The following ATG4B variants were observed in gnomAD, a reference collection of about 807,000 sequenced individuals.
ATG4B encodes cysteine protease ATG4B.
Under a neutral mutation model 56.6 loss-of-function variants are expected in ATG4B, and 29 were observed. The ratio of observed to expected loss-of-function variants is 0.51; its 90% confidence interval spans 0.38 to 0.70. ATG4B has a LOEUF of 0.70. ATG4B is among the 30% of genes least tolerant of loss of function. ATG4B has a pLI of 0.00. For missense variants in ATG4B, 461 were observed against 515.5 expected, an observed-to-expected ratio of 0.89 and a Z score of 1.02; for synonymous variants, 224 against 206.1, an observed-to-expected ratio of 1.09 and a Z score of -0.74.
chr2:241,666,755 T>A lies in ATG4B; in HGVS notation c.649T>A (p.Ser217Thr). 6.2e-7 allele frequency: 1 copy of A among 1,605,078 alleles called. No homozygotes were observed. The highest frequency in any genetic ancestry group is 8.5e-7 in the Non-Finnish European group (1 of 1,175,784). ...CGGAGCTGAGGTCACCAACAGGCCGTCGCCATGGAGACCCCTGGTACTTCT... is the reference window on the plus strand; with the variant it reads ...CGGAGCTGAGGTCACCAACAGGCCGACGCCATGGAGACCCCTGGTACTTCT... ...PAGAEVTNRP[S>T]PWRPLVLLIP... Residue 217 changes from serine (S) to threonine (T), a missense_variant, in exon 8 of 13, where the codon TCG becomes ACG. Physicochemically the swap from Ser to Thr is moderately conservative, Grantham distance 58. Coordinates refer to ENST00000404914, the MANE Select transcript of ATG4B (RefSeq NM_013325.5).
intron 1 of ATG4B, among the ~76,000 whole-genome samples, chr2:241,644,392 C>T (rs1298442941): frequency 1.3e-5 from 2 of 152,176 alleles, no homozygotes; most frequent in Non-Finnish European, 2.9e-5. Context: ...GTTGGTCGAT[C>T]TGCAGATGTT....
chr2:241,653,038 C>T (rs144160046), intron 3 of ATG4B, among the ~76,000 whole-genome samples: 4,025 of 152,354 alleles, frequency 0.026, 93 homozygotes, highest in Middle Eastern at 0.099. Context: ...GTCCATCTTT[C>T]TGGGCCCCAG....
In ATG4B at chr2:241,673,758, G is replaced by A. The variant is rs940371514; in HGVS notation, c.*1494G>A. 2.9e-5 allele frequency: 13 copies of A among 454,752 alleles called. No homozygotes were observed. The highest frequency in any genetic ancestry group is 4.7e-5 in the South Asian group (3 of 64,490). The allele number at this position is 454,752 out of a possible 1,614,324, so 28.2% of individuals were successfully genotyped here. ...CTTGACCAAAGGGGAGCTTTGTCTC[G>A]TGTGTTTTGAAAAAGGCTTAATGAA... On this transcript the variant is annotated 3_prime_UTR_variant, in exon 13 of 13. Coordinates refer to ENST00000404914, the MANE Select transcript of ATG4B (RefSeq NM_013325.5).
At chr2:241,671,199 C>CAGTGAGATGGGATGACAGGTT in intron 11 of ATG4B, 113 bp from the exon 12 acceptor site, 2 of 907,700 alleles carry the variant, frequency 2.2e-6, no homozygotes, top group Non-Finnish European at 3.4e-6. Flanking sequence ...GTTTTCTCAT[C>CAGTGAGATGGGATGACAGGTT]AGTGAGATGG....
In ATG4B at chr2:241,666,122, G is replaced by A. The variant is rs548587482; in HGVS notation, c.539-523G>A. ...TCAGCCTGGCTCCTCTGAGTGGGGAGTGGTGTTGAGAAACCTCGATCTAGA... is the reference window on the plus strand; with the variant it reads ...TCAGCCTGGCTCCTCTGAGTGGGGAATGGTGTTGAGAAACCTCGATCTAGA... On this transcript the variant is annotated intron_variant, in intron 7 of 12. Transcript: ENST00000404914. 3.3e-5 allele frequency among the ~76,000 whole-genome samples: 5 copies of A among 152,364 alleles called. No homozygotes were observed. The South Asian group carries it at 6.2e-4, about 19-fold the overall frequency.
At chr2:241,656,267 G>A (rs1338546174) in intron 6 of ATG4B, among the ~76,000 whole-genome samples, 1 of 152,120 alleles carries the variant, frequency 6.6e-6, no homozygotes, top group African/African-American at 2.4e-5. Flanking sequence ...CTGGGGTCCT[G>A]CACAAGTCCG....
intron 1 of ATG4B, among the ~76,000 whole-genome samples, chr2:241,642,867 C>A (rs1454955894): frequency 1.2e-5 from 1 of 82,832 alleles, no homozygotes; most frequent in Non-Finnish European, 2.3e-5. Flanking sequence ...CAGCACCTCT[C>A]CGTCCTTTTT....
intron 7 of ATG4B, among the ~76,000 whole-genome samples, chr2:241,662,994 G>T (rs1282489793): frequency 6.6e-6 from 1 of 152,164 alleles, no homozygotes; most frequent in African/African-American, 2.4e-5. Context: ...CCAGCACTTC[G>T]GGAGGCCAAG....
At chr2:241,642,033 TA>T (rs35720921) in intron 1 of ATG4B, among the ~76,000 whole-genome samples, 14 of 149,556 alleles carry the variant, frequency 9.4e-5, no homozygotes, top group East Asian at 3.9e-4. Context: ...TGGTTGGTAA[TA>T]AAAAAAAAAC....
intron 1 of ATG4B, among the ~76,000 whole-genome samples, chr2:241,641,637 T>C (rs1179672595): frequency 6.6e-6 from 1 of 151,970 alleles, no homozygotes; most frequent in Non-Finnish European, 1.5e-5. Flanking sequence ...TTTGGATTTA[T>C]GTGTGTTGAA....
chr2:241,649,600 G>A (rs1366714179), intron 1 of ATG4B, among the ~76,000 whole-genome samples: 1 of 152,160 alleles, frequency 6.6e-6, no homozygotes, highest in East Asian at 1.9e-4. Flanking sequence ...CTCTGGTGCC[G>A]CCCCAGAATA....
chr2:241,652,117 A>G (rs931936075), intron 3 of ATG4B: 6 of 412,756 alleles, frequency 1.5e-5, no homozygotes, highest in South Asian at 9.8e-5. Context: ...ACTGACGCGT[A>G]GGGACATACG....
Position 241,651,041 on chromosome 2 carries a change from T to C in ATG4B, c.42T>C (p.Ala14=). The C allele has an allele frequency of 1.2e-6, 2 of 1,613,980 alleles. No individual in the cohort carries two copies. The highest frequency in any genetic ancestry group is 1.7e-6 in the Non-Finnish European group (2 of 1,179,874). Residue 14 remains alanine, a synonymous_variant, in exon 2 of 13, where the codon GCT becomes GCC. Coordinates refer to ENST00000404914, the MANE Select transcript of ATG4B (RefSeq NM_013325.5). The surrounding 1 kb of genome is among the most constrained non-coding windows in gnomAD (Gnocchi z 4.1). ...TGACCTACGACACTCTCCGGTTTGC[T>C]GAGTTTGAAGATTTTCCTGAGACCT... ...ATLTYDTLRF[A]EFEDFPETSE...
chr2:241,672,207 G>C lies in ATG4B; in HGVS notation c.1125G>C (p.Glu375Asp). Reference sequence around the variant, plus strand: ...TCCTTCTAGATTCTTCTGATGTAGAGCGACTGGAAAGATTCTTCGACTCAG... The same window carrying C: ...TCCTTCTAGATTCTTCTGATGTAGACCGACTGGAAAGATTCTTCGACTCAG... ...LNLSLDSSDV[E>D]RLERFFDSED... Residue 375 changes from glutamate (E) to aspartate (D), a missense_variant, in exon 13 of 13, where the codon GAG becomes GAC. Transcript: ENST00000404914. The C allele has an allele frequency of 6.3e-7, 1 of 1,584,278 alleles. No homozygotes were observed. Among genetic ancestry groups the C allele is most frequent in the Non-Finnish European group, 8.6e-7 (1 of 1,164,740 alleles).
chr2:241,668,733 T>C lies in ATG4B; in HGVS notation c.957+48T>C. On this transcript the variant is annotated intron_variant, in intron 10 of 12. Transcript: ENST00000404914. The surrounding 1 kb of genome is among the most constrained non-coding windows in gnomAD (Gnocchi z 4.2). Reference sequence around the variant, plus strand: ...CACAGGCATTTGGTGCTGAATGCTGTTTGGGAATGACGAGGAAAACTTTCG... The same window carrying C: ...CACAGGCATTTGGTGCTGAATGCTGCTTGGGAATGACGAGGAAAACTTTCG... 2.0e-6 allele frequency: 3 copies of C among 1,528,442 alleles called. No individual in the cohort carries two copies. The highest frequency in any genetic ancestry group is 2.6e-6 in the Non-Finnish European group (3 of 1,144,118). The allele number at this position is 1,528,442 out of a possible 1,614,324, so 94.7% of individuals were successfully genotyped here.
chr2:241,668,601 C>G lies in ATG4B; in HGVS notation c.873C>G (p.Gly291=). The G allele has an allele frequency of 6.2e-7, 1 of 1,602,506 alleles. No homozygotes were observed. Among genetic ancestry groups the G allele is most frequent in the Non-Finnish European group, 8.5e-7 (1 of 1,175,558 alleles). Residue 291 remains glycine (G), a synonymous_variant, in exon 10 of 13, where the codon GGC becomes GGG. Coordinates refer to ENST00000404914, the MANE Select transcript of ATG4B (RefSeq NM_013325.5). This position sits in a 1 kb window ranked among gnomAD's most constrained non-coding sequence, Gnocchi z 4.2. ...AGCCAGCCGTGGAGCCCACTGATGG[C>G]TGCTTCATCCCGGACGAGAGCTTCC... ...TTQPAVEPTD[G]CFIPDESFHC...
At chr2:241,661,786 G>A (rs966104533) in intron 7 of ATG4B, among the ~76,000 whole-genome samples, 12 of 151,606 alleles carry the variant, frequency 7.9e-5, no homozygotes, top group Non-Finnish European at 1.3e-4. Context: ...TCCACCCCCA[G>A]TCAAAGGCCA....
At chr2:241,662,910 T>C (rs1301702310) in intron 7 of ATG4B, among the ~76,000 whole-genome samples, 2 of 142,100 alleles carry the variant, frequency 1.4e-5, no homozygotes, top group Admixed American at 1.4e-4. Context: ...GGGCCGGGCA[T>C]GGTGGCTCAC....
intron 3 of ATG4B, among the ~76,000 whole-genome samples, chr2:241,653,005 C>T (rs139371963): frequency 0.013 from 2,008 of 152,314 alleles, 25 homozygotes; most frequent in Non-Finnish European, 0.018. Flanking sequence ...TGTCACATGC[C>T]GCGCAGTTCC....
Sources: gnomAD v4.1 joint callset for allele counts (sites outside exome capture counted in the v4.1 genomes callset) on GRCh38, gnomAD v4.1.1 for gene constraint, Gnocchi (gnomAD v3.1) non-coding constraint, MANE v1.5 for transcripts, NCBI Gene and HGNC (gene_info 2026-07-23, HGNC 2026-07-21) for gene names.